LRRTM4: variants seen among roughly 807,000 people sequenced by gnomAD.
The protein encoded by LRRTM4 is leucine rich repeat transmembrane neuronal 4, also known as leucine-rich repeat transmembrane neuronal protein 4.
Under a neutral mutation model 47.6 loss-of-function variants are expected in LRRTM4, and 25 were observed. That is an observed-to-expected ratio of 0.53 (90% CI 0.38 to 0.73). The LOEUF is 0.73. Ranked by LOEUF, LRRTM4 falls within the 30% of genes least tolerant of loss-of-function variation. The pLI is 0.00. For synonymous variants in LRRTM4, 311 were observed against 269.5 expected, an observed-to-expected ratio of 1.15 and a Z score of -1.51; for missense variants, 638 against 713.4, an observed-to-expected ratio of 0.89 and a Z score of 1.20.
intron 3 of LRRTM4, among the ~76,000 whole-genome samples, chr2:76,883,409 T>C (rs1432162255): frequency 6.6e-6 from 1 of 152,186 alleles, no homozygotes; most frequent in Non-Finnish European, 1.5e-5. Context: ...AGTTCTACAC[T>C]TCACCTTTAG....
intron 3 of LRRTM4, among the ~76,000 whole-genome samples, chr2:76,960,438 T>C (rs1344772301): frequency 6.6e-6 from 1 of 151,684 alleles, no homozygotes; most frequent in Non-Finnish European, 1.5e-5. Flanking sequence ...AAAGTTTTTC[T>C]ATATAAAGGA....
chr2:77,014,997 G>T (rs1226918195), intron 3 of LRRTM4, among the ~76,000 whole-genome samples: 3 of 152,020 alleles, frequency 2.0e-5, no homozygotes, highest in African/African-American at 7.3e-5. Context: ...ATGTTTTTGT[G>T]AAGGTATCTT....
chr2:77,172,787 C>G (rs1673086273), intron 3 of LRRTM4, among the ~76,000 whole-genome samples: 2 of 152,192 alleles, frequency 1.3e-5, no homozygotes, highest in African/African-American at 2.4e-5. Flanking sequence ...TCTAATCTAC[C>G]TTAGTCATAA....
At chr2:77,274,555 C>T (rs1467785696) in intron 3 of LRRTM4, among the ~76,000 whole-genome samples, 5 of 151,962 alleles carry the variant, frequency 3.3e-5, no homozygotes, top group Admixed American at 6.6e-5. Flanking sequence ...TTTAGGTACT[C>T]GATCAGTAAT....
intron 3 of LRRTM4, among the ~76,000 whole-genome samples, chr2:77,207,384 T>C (rs1297821112): frequency 2.2e-5 from 3 of 137,642 alleles, no homozygotes; most frequent in Non-Finnish European, 3.1e-5. Flanking sequence ...CACACACACA[T>C]ATTTATATAC....
intron 3 of LRRTM4, among the ~76,000 whole-genome samples, chr2:77,053,099 TACA>T (rs1679493786): frequency 6.6e-6 from 1 of 152,148 alleles, no homozygotes; most frequent in African/African-American, 2.4e-5. Flanking sequence ...TGGTGATAAC[TACA>T]ACCTCACTGG....
intron 3 of LRRTM4, among the ~76,000 whole-genome samples, chr2:76,934,099 G>A (rs552485894): frequency 1.3e-5 from 2 of 152,124 alleles, no homozygotes; most frequent in African/African-American, 4.8e-5. Context: ...TGTATTAAAT[G>A]GAAATAAAGA....
rs552457836 is a variant in LRRTM4 at position 76,958,209 on chromosome 2, T to C, written c.1552-209293A>G. Among the ~76,000 whole-genome samples the C allele has an allele frequency of 1.5e-3, 233 of 151,912 alleles. 1 individual carries two copies. The highest frequency in any genetic ancestry group is 2.7e-3 in the Non-Finnish European group (182 of 67,814). Reference sequence around the variant, plus strand: ...CACTCAGTGGCCAGGCAGAGGGCCATGTCATCATAATAATGCCAAATTTAC... The same window carrying C: ...CACTCAGTGGCCAGGCAGAGGGCCACGTCATCATAATAATGCCAAATTTAC... On this transcript the variant is annotated intron_variant, in intron 3 of 3. Coordinates refer to ENST00000409884, the MANE Select transcript of LRRTM4 (RefSeq NM_001134745.3).
At chr2:76,913,233 T>C (rs1466906822) in intron 3 of LRRTM4, among the ~76,000 whole-genome samples, 2 of 152,176 alleles carry the variant, frequency 1.3e-5, no homozygotes, top group Admixed American at 6.6e-5. Flanking sequence ...ACAGATGTTA[T>C]ATATTAGAAA....
chr2:77,127,892 C>T (rs562625446), intron 3 of LRRTM4, among the ~76,000 whole-genome samples: 6 of 152,102 alleles, frequency 3.9e-5, no homozygotes, highest in Admixed American at 3.9e-4. Context: ...CGCCTGTAAT[C>T]CCAGCACTTT....
chr2:77,464,554 C>T (rs76205612), intron 3 of LRRTM4, among the ~76,000 whole-genome samples: 6,834 of 150,274 alleles, frequency 0.045, 316 homozygotes, highest in Admixed American at 0.16. Flanking sequence ...CATTTTTTTA[C>T]ATGTTCAGCC....
At chr2:76,946,327 T>C (rs1675322043) in intron 3 of LRRTM4, among the ~76,000 whole-genome samples, 1 of 151,890 alleles carries the variant, frequency 6.6e-6, no homozygotes, top group Admixed American at 6.6e-5. Flanking sequence ...AGAGGAAAAG[T>C]CAGAAGCCTG....
chr2:76,826,151 A>G (rs550249390), intron 3 of LRRTM4, among the ~76,000 whole-genome samples: 4 of 151,854 alleles, frequency 2.6e-5, no homozygotes, highest in South Asian at 4.1e-4. Context: ...GACCACAGAA[A>G]TGTCATGGTA....
chr2:77,494,981 G>A (rs2104057730), intron 3 of LRRTM4, among the ~76,000 whole-genome samples: 1 of 152,148 alleles, frequency 6.6e-6, no homozygotes, highest in Non-Finnish European at 1.5e-5. Context: ...TCAACAGTGT[G>A]TTTCTTTTTA....
chr2:76,939,778 T>C (rs930354718), intron 3 of LRRTM4, among the ~76,000 whole-genome samples: 45 of 152,190 alleles, frequency 3.0e-4, no homozygotes, highest in Non-Finnish European at 1.2e-4. Context: ...TTAATATTTA[T>C]GGGCATCTAA....
intron 3 of LRRTM4, among the ~76,000 whole-genome samples, chr2:77,247,002 C>G (rs1193119653): frequency 6.6e-6 from 1 of 151,750 alleles, no homozygotes; most frequent in Non-Finnish European, 1.5e-5. Context: ...ATATTTACAC[C>G]CATAAATTAC....
intron 3 of LRRTM4, among the ~76,000 whole-genome samples, chr2:76,891,044 G>T (rs1210999861): frequency 6.6e-6 from 1 of 151,798 alleles, no homozygotes; most frequent in East Asian, 1.9e-4. Flanking sequence ...TCGCTGGAAT[G>T]AAAATAGTCA....
At chr2:77,062,738 C>A (rs35164880) in intron 3 of LRRTM4, among the ~76,000 whole-genome samples, 19,030 of 151,954 alleles carry the variant, frequency 0.13, 1,278 homozygotes, top group Non-Finnish European at 0.15. Context: ...CTTATTGTTG[C>A]CTCCAGGAAT....
chr2:77,424,777 C>T (rs1224102770), intron 3 of LRRTM4, among the ~76,000 whole-genome samples: 3 of 152,114 alleles, frequency 2.0e-5, no homozygotes, highest in African/African-American at 7.2e-5. Flanking sequence ...GAGGAAATTC[C>T]AGCCTTAATC....
Sources: allele counts gnomAD v4.1 joint callset (sites outside exome capture counted in the v4.1 genomes callset), GRCh38; gene constraint gnomAD v4.1.1; transcripts MANE v1.5; gene names NCBI Gene and HGNC (gene_info 2026-07-23, HGNC 2026-07-21).